METTL15: variants seen among roughly 807,000 people sequenced by gnomAD.
METTL15 encodes methyltransferase 15, mitochondrial 12S rRNA N4-cytidine, also known as 12S rRNA N(4)-cytidine methyltransferase METTL15.
A neutral mutation model predicts 38.3 loss-of-function variants in METTL15; 34 were observed. The observed-to-expected ratio is 0.89, with a 90% CI of 0.68 to 1.18. METTL15 has a LOEUF of 1.18. Among genes scored for constraint, METTL15 ranks in the 50% most tolerant of loss-of-function variants. The pLI is 0.00. For missense variants in METTL15, 438 were observed against 498.4 expected, an observed-to-expected ratio of 0.88 and a Z score of 1.15; for synonymous variants, 162 against 170.9, an observed-to-expected ratio of 0.95 and a Z score of 0.41.
At chr11:28,346,130 T>C (rs1192830741) in intron 3 of METTL15, among the ~76,000 whole-genome samples, 2 of 152,200 alleles carry the variant, frequency 1.3e-5, no homozygotes, top group Admixed American at 6.6e-5. Context: ...GAATAACAAT[T>C]TTCTTGCCAC....
At chr11:28,239,706 C>T (rs1431751088) in intron 4 of METTL15, among the ~76,000 whole-genome samples, 1 of 152,190 alleles carries the variant, frequency 6.6e-6, no homozygotes, top group Non-Finnish European at 1.5e-5. Flanking sequence ...ACCTCCAAGC[C>T]ATTTCCTCTT....
chr11:28,351,122 T>TAA (rs2133361164), intron 3 of METTL15, among the ~76,000 whole-genome samples: 1 of 152,254 alleles, frequency 6.6e-6, no homozygotes, highest in African/African-American at 2.4e-5. Flanking sequence ...AAAAAAATTT[T>TAA]TTTTTTTTAA....
chr11:28,262,832 G>C (rs1207748260), intron 4 of METTL15, among the ~76,000 whole-genome samples: 1 of 152,038 alleles, frequency 6.6e-6, no homozygotes, highest in East Asian at 1.9e-4. Flanking sequence ...ATTGGTCGTA[G>C]AGAAGAAAGG....
chr11:28,523,094 ATTACT>A lies in METTL15; in HGVS notation c.*425-3380_*425-3376del, dbSNP rs1378072440. The stretch of plus-strand genomic sequence containing the variant: ...TTATAAACCAATAGTTGTTTAAATA[ATTACT>A]TTATTATAATTCTAATAAGTGGCAT... On this transcript the variant is annotated intron_variant and NMD_transcript_variant, in intron 6 of 7. Coordinates refer to the METTL15 transcript ENST00000532947. Among the ~76,000 whole-genome samples the A allele has an allele frequency of 9.8e-5, 15 of 152,318 alleles. No individual in the cohort carries two copies. The East Asian group carries it at 2.9e-3, about 29-fold the overall frequency.
At position 28,296,875 on chromosome 11, in the gene METTL15, A is replaced by C; in HGVS notation, c.722A>C (p.Gln241Pro). Residue 241 changes from glutamine to proline, a missense_variant, in exon 6 of 7, where the codon CAG (glutamine) becomes CCG (proline). Gln to Pro is a moderately conservative substitution (Grantham distance 76). Coordinates refer to ENST00000407364, the MANE Select transcript of METTL15 (RefSeq NM_001113528.2). ...HAKKIASAIV[Q>P]ARSIYPITRT... is the part of the protein sequence containing the mutation. ...AAGAAAATCGCTTCAGCAATTGTTC[A>C]GGCACGCAGCATCTACCCCATCACC... 6.2e-7 allele frequency: 1 copy of C among 1,613,630 alleles called. No homozygotes were observed. The highest frequency in any genetic ancestry group is 1.1e-5 in the South Asian group (1 of 91,084).
chr11:28,337,717 AAT>A, downstream of METTL15, among the ~76,000 whole-genome samples: 1 of 152,166 alleles, frequency 6.6e-6, no homozygotes, highest in Admixed American at 6.5e-5. Flanking sequence ...CTGTATCTTT[AAT>A]ATGTTTAGAT....
intron 6 of METTL15, among the ~76,000 whole-genome samples, chr11:28,479,952 G>C (rs967952048): frequency 6.6e-6 from 1 of 152,086 alleles, no homozygotes; most frequent in African/African-American, 2.4e-5. Context: ...CTTATCTATT[G>C]TTATTGATGA....
chr11:28,329,611 C>T (rs1849748413), intron 6 of METTL15, among the ~76,000 whole-genome samples: 2 of 152,068 alleles, frequency 1.3e-5, no homozygotes, highest in Non-Finnish European at 2.9e-5. Context: ...TCAGTAATTT[C>T]CCATTTATAT....
intron 4 of METTL15, among the ~76,000 whole-genome samples, chr11:28,222,779 G>A (rs915739808): frequency 3.3e-5 from 5 of 152,130 alleles, no homozygotes; most frequent in Non-Finnish European, 5.9e-5. Context: ...CCTATGGCAA[G>A]ACTAGTTTGG....
At chr11:28,252,604 A>G (rs1404162241) in intron 4 of METTL15, among the ~76,000 whole-genome samples, 1 of 152,028 alleles carries the variant, frequency 6.6e-6, no homozygotes, top group Non-Finnish European at 1.5e-5. Flanking sequence ...TGAATCCTAT[A>G]GTCTTTTTCC....
chr11:28,323,385 G>A (rs2134050787), intron 6 of METTL15, among the ~76,000 whole-genome samples: 1 of 152,128 alleles, frequency 6.6e-6, no homozygotes, highest in East Asian at 1.9e-4. Flanking sequence ...TTTCTGATAA[G>A]GTGTTATGAA....
intron 3 of METTL15, among the ~76,000 whole-genome samples, chr11:28,167,222 G>A (rs757608721): frequency 5.3e-5 from 8 of 152,232 alleles, no homozygotes; most frequent in Non-Finnish European, 1.2e-4. Flanking sequence ...CTATGAGTTG[G>A]AAGTCTTGTC....
chr11:28,373,990 A>G (rs1276278486), intron 5 of METTL15, among the ~76,000 whole-genome samples: 1 of 151,922 alleles, frequency 6.6e-6, no homozygotes, highest in East Asian at 1.9e-4. Context: ...ATGCGGCGTT[A>G]TTTCTGAGGG....
intron 6 of METTL15, among the ~76,000 whole-genome samples, chr11:28,457,204 G>A (rs995314817): frequency 3.3e-5 from 5 of 152,220 alleles, no homozygotes; most frequent in Non-Finnish European, 7.3e-5. Context: ...CATGGAAAGG[G>A]TATTGCACAT....
chr11:28,482,232 C>T (rs1433157395), intron 6 of METTL15, among the ~76,000 whole-genome samples: 1 of 152,214 alleles, frequency 6.6e-6, no homozygotes, highest in Non-Finnish European at 1.5e-5. Context: ...TTCCTGCATA[C>T]TGGATAGGAG....
rs536681145 is a variant in METTL15, at chr11:28,479,470, C to T, written c.*425-47008C>T. ...TGTAAGAGTTGTCTCTCTGAAGAAC[C>T]CTAGTATTTGGGCCCTGAGAAGATT... On this transcript the variant is annotated intron_variant and NMD_transcript_variant, in intron 6 of 7. Transcript: ENST00000532947. Among the ~76,000 whole-genome samples, 13 of 152,088 alleles carry T rather than the reference C, an allele frequency of 8.5e-5. No individual in the cohort carries two copies. The South Asian group carries it at 2.1e-3, about 24-fold the overall frequency.
At position 28,332,056 on chromosome 11, in the gene METTL15, A is replaced by G. The variant is rs1198965337; in HGVS notation, c.*1215A>G. 6.6e-6 allele frequency: 1 copy of G among 151,938 alleles called. No individual in the cohort carries two copies. Among genetic ancestry groups the G allele is most frequent in the Non-Finnish European group, 1.5e-5 (1 of 68,000 alleles). The allele number at this position is 151,938 out of a possible 1,614,324, so 9.4% of individuals were successfully genotyped here. A position where few individuals can be genotyped will look rare whatever the true frequency, so the allele number is the denominator to read the frequency against. On this transcript the variant is annotated 3_prime_UTR_variant, in exon 7 of 7. Coordinates refer to ENST00000407364, the MANE Select transcript of METTL15 (RefSeq NM_001113528.2). Reference sequence around the variant, plus strand: ...AGGTTGGTGAATCCAAGTGAATGAAATATCAGCATAACTATGTGGGCAAAA... The same window carrying G: ...AGGTTGGTGAATCCAAGTGAATGAAGTATCAGCATAACTATGTGGGCAAAA...
intron 3 of METTL15, among the ~76,000 whole-genome samples, chr11:28,171,652 T>G (rs1479226864): frequency 6.6e-6 from 1 of 152,212 alleles, no homozygotes; most frequent in African/African-American, 2.4e-5. Context: ...AATATAGTGA[T>G]GTTATTGGGT....
downstream of METTL15, among the ~76,000 whole-genome samples, chr11:28,334,741 A>G (rs2134070225): frequency 6.6e-6 from 1 of 152,274 alleles, no homozygotes; most frequent in South Asian, 2.1e-4. Context: ...ATCTGCAGGA[A>G]TGCTAAGAGA....
Sources: allele counts gnomAD v4.1 joint callset (sites outside exome capture counted in the v4.1 genomes callset), GRCh38; gene constraint gnomAD v4.1.1; transcripts MANE v1.5; gene names NCBI Gene and HGNC (gene_info 2026-07-23, HGNC 2026-07-21).